Variants in RASSF3 observed in about 807,000 individuals in gnomAD.
RASSF3 encodes Ras association domain family member 3, also known as ras association domain-containing protein 3.
RASSF3 carries 19 observed loss-of-function variants against 19.9 expected under a neutral mutation model. The observed-to-expected ratio is 0.96, with a 90% CI of 0.67 to 1.40. The LOEUF is 1.40. Among genes scored for constraint, RASSF3 ranks in the 40% most tolerant of loss-of-function variants. The probability of loss-of-function intolerance (pLI) is 0.00; values close to 1 mark genes in which losing one functional copy is unlikely to be tolerated. For missense variants in RASSF3, 306 were observed against 289.8 expected, an observed-to-expected ratio of 1.06 and a Z score of -0.41; for synonymous variants, 110 against 104.2, an observed-to-expected ratio of 1.06 and a Z score of -0.34.
chr12:64,649,366 G>A (rs1488438744), intron 1 of RASSF3, among the ~76,000 whole-genome samples: 2 of 151,658 alleles, frequency 1.3e-5, no homozygotes, highest in African/African-American at 2.4e-5. Flanking sequence ...CTAATTTTTC[G>A]TATTTTTAGT....
At chr12:64,588,089 C>A (rs1270976739) in intron 2 of RASSF3, among the ~76,000 whole-genome samples, 2 of 151,256 alleles carry the variant, frequency 1.3e-5, no homozygotes, top group African/African-American at 4.9e-5. Flanking sequence ...CCCCCACAAC[C>A]TTTTTTTTTG....
At chr12:64,692,602 G>T (rs1868300971) in intron 4 of RASSF3, among the ~76,000 whole-genome samples, 1 of 152,198 alleles carries the variant, frequency 6.6e-6, no homozygotes, top group Admixed American at 6.5e-5. Context: ...TGGCTTTGCA[G>T]ATGGTGACCA....
chr12:64,673,367 C>T (rs1346340422), intron 1 of RASSF3, among the ~76,000 whole-genome samples: 1 of 152,128 alleles, frequency 6.6e-6, no homozygotes, highest in Non-Finnish European at 1.5e-5. Context: ...TTAATGTTTT[C>T]AATTTTCTTA....
chr12:64,657,251 A>G (rs916059140), intron 1 of RASSF3, among the ~76,000 whole-genome samples: 1 of 152,086 alleles, frequency 6.6e-6, no homozygotes, highest in African/African-American at 2.4e-5. Context: ...ACCTCAAGTG[A>G]TCTGCCCACC....
chr12:64,625,867 G>A (rs1025767732), intron 1 of RASSF3, among the ~76,000 whole-genome samples: 6 of 152,168 alleles, frequency 3.9e-5, no homozygotes, highest in African/African-American at 1.4e-4. Flanking sequence ...AGCTCAATGA[G>A]TCATGTGATC....
At chr12:64,591,240 G>C (rs1352019865) in intron 2 of RASSF3, among the ~76,000 whole-genome samples, 1 of 152,098 alleles carries the variant, frequency 6.6e-6, no homozygotes, top group South Asian at 2.1e-4. Flanking sequence ...ACTTTGGGAG[G>C]CCGAGGCAGG....
At chr12:64,608,434 G>C (rs529348480), upstream of RASSF3, among the ~76,000 whole-genome samples, 1 of 152,190 alleles carries the variant, frequency 6.6e-6, no homozygotes, top group East Asian at 1.9e-4. Flanking sequence ...CGATTCTCCT[G>C]CCTCAGCCTC....
chr12:64,651,717 C>T (rs1480199389), intron 1 of RASSF3, among the ~76,000 whole-genome samples: 2 of 152,022 alleles, frequency 1.3e-5, no homozygotes, highest in Non-Finnish European at 2.9e-5. Context: ...GGATGGAGTG[C>T]AGGGGTGCAG....
intron 1 of RASSF3, among the ~76,000 whole-genome samples, chr12:64,522,575 T>C (rs914789009): frequency 3.3e-5 from 5 of 152,182 alleles, no homozygotes; most frequent in Non-Finnish European, 4.4e-5. Context: ...ATTTTAGGAT[T>C]GCAGCTACCA....
intron 1 of RASSF3, among the ~76,000 whole-genome samples, chr12:64,509,280 T>C (rs1215110273): frequency 6.6e-6 from 1 of 152,088 alleles, no homozygotes; most frequent in Admixed American, 6.6e-5. Context: ...CGAATCCCTG[T>C]CTCTACTAAA....
At chr12:64,648,320 C>G (rs554266445) in intron 1 of RASSF3, among the ~76,000 whole-genome samples, 22 of 152,192 alleles carry the variant, frequency 1.4e-4, no homozygotes, top group African/African-American at 5.1e-4. Flanking sequence ...GGTGGAGAGG[C>G]TGATGGAGAA....
At chr12:64,608,480 T>C (rs1489452006), upstream of RASSF3, among the ~76,000 whole-genome samples, 2 of 152,138 alleles carry the variant, frequency 1.3e-5, no homozygotes, top group Admixed American at 6.5e-5. Context: ...GCCCAACTAA[T>C]TTTTGTAGTT....
chr12:64,692,902 A>C (rs1341162667), intron 4 of RASSF3, among the ~76,000 whole-genome samples: 1 of 152,080 alleles, frequency 6.6e-6, no homozygotes, highest in African/African-American at 2.4e-5. Context: ...AATTGACTTG[A>C]CATTGGGTTT....
chr12:64,695,715 C>CAG lies in RASSF3; in HGVS notation c.*807_*808dup, dbSNP rs1868347326. On this transcript the variant is annotated 3_prime_UTR_variant, in exon 5 of 5. Transcript: ENST00000542104. ...CCCATGAACTCTGCAGCTGACCAAT[C>CAG]AGAGAATCAGGCAGGTGTAGCCTAC... is the stretch of plus-strand genomic sequence containing the variant. The CAG allele has an allele frequency of 6.6e-6, 1 of 152,260 alleles. No homozygotes were observed. The allele number at this position is 152,260 out of a possible 1,614,324, so 9.4% of individuals were successfully genotyped here.
intron 1 of RASSF3, among the ~76,000 whole-genome samples, chr12:64,527,538 A>G (rs977439192): frequency 2.0e-5 from 3 of 152,154 alleles, no homozygotes; most frequent in African/African-American, 7.2e-5. Context: ...ATAACTCCCT[A>G]CTAGTATTTT....
intron 1 of RASSF3, among the ~76,000 whole-genome samples, chr12:64,659,758 GCCA>G (rs1872277674): frequency 6.6e-6 from 1 of 151,948 alleles, no homozygotes; most frequent in Admixed American, 6.6e-5. Flanking sequence ...GACCATCCTG[GCCA>G]ACATGGTGAA....
intron 2 of RASSF3, among the ~76,000 whole-genome samples, chr12:64,578,217 C>T (rs943789761): frequency 1.3e-5 from 2 of 152,008 alleles, no homozygotes; most frequent in African/African-American, 4.8e-5. Context: ...AGTGAGACTC[C>T]GTCACAAAGA....
chr12:64,534,404 A>T (rs1592392362), intron 1 of RASSF3, among the ~76,000 whole-genome samples: 1 of 152,332 alleles, frequency 6.6e-6, no homozygotes, highest in Non-Finnish European at 1.5e-5. Context: ...CTGAGGTGAG[A>T]AGATCGCTTG....
chr12:64,692,858 T>G (rs1868304746), intron 4 of RASSF3, among the ~76,000 whole-genome samples: 1 of 152,198 alleles, frequency 6.6e-6, no homozygotes, highest in Non-Finnish European at 1.5e-5. Flanking sequence ...ATTACAGGCA[T>G]GAGCCACTGC....
Sources: allele counts gnomAD v4.1 joint callset (sites outside exome capture counted in the v4.1 genomes callset), GRCh38; gene constraint gnomAD v4.1.1; transcripts MANE v1.5; gene names NCBI Gene and HGNC (gene_info 2026-07-23, HGNC 2026-07-21).